HS3ST3A1: variants seen among roughly 807,000 people sequenced by gnomAD.
HS3ST3A1 encodes heparan sulfate glucosamine 3-O-sulfotransferase 3A1.
In HS3ST3A1, 19 loss-of-function variants were observed where a neutral mutation model predicts 25.7. The observed-to-expected ratio is 0.74, with a 90% CI of 0.52 to 1.08. The LOEUF (loss-of-function observed/expected upper bound fraction) is 1.08. Among genes scored for constraint, HS3ST3A1 ranks in the 50% least tolerant of loss-of-function variants. HS3ST3A1 has a pLI of 0.00. For synonymous variants in HS3ST3A1, 226 were observed against 278.6 expected, an observed-to-expected ratio of 0.81 and a Z score of 1.88; for missense variants, 459 against 594.3, an observed-to-expected ratio of 0.77 and a Z score of 2.37.
At chr17:13,591,654 T>C (rs12939294) in intron 1 of HS3ST3A1, among the ~76,000 whole-genome samples, 51,565 of 143,180 alleles carry the variant, frequency 0.36, 11,363 homozygotes, top group Admixed American at 0.5. Flanking sequence ...TTTCCTTTTT[T>C]CTTCTTCTTT....
At chr17:13,542,261 G>A (rs1256469349) in intron 1 of HS3ST3A1, among the ~76,000 whole-genome samples, 1 of 151,458 alleles carries the variant, frequency 6.6e-6, no homozygotes, top group African/African-American at 2.4e-5. Flanking sequence ...CGGGAGAGGT[G>A]GAGGTTGCAG....
chr17:13,531,481 G>A (rs1906605555), intron 1 of HS3ST3A1, among the ~76,000 whole-genome samples: 1 of 152,062 alleles, frequency 6.6e-6, no homozygotes, highest in Admixed American at 6.6e-5. Context: ...TTTCAGACAG[G>A]AAAGACCTCC....
At chr17:13,528,930 C>A (rs11078162) in intron 1 of HS3ST3A1, among the ~76,000 whole-genome samples, 1 of 148,562 alleles carries the variant, frequency 6.7e-6, no homozygotes, top group Non-Finnish European at 1.5e-5. Flanking sequence ...GTGCAGTGGT[C>A]GGGGTGGGGG....
chr17:13,598,673 C>T (rs8079724), intron 1 of HS3ST3A1, among the ~76,000 whole-genome samples: 14,939 of 150,956 alleles, frequency 0.099, 1,656 homozygotes, highest in African/African-American at 0.28. Flanking sequence ...CTTTTTTTTT[C>T]TTTCTTTCTT....
intron 1 of HS3ST3A1, among the ~76,000 whole-genome samples, chr17:13,537,745 C>T (rs1456739655): frequency 6.6e-6 from 1 of 152,200 alleles, no homozygotes; most frequent in Non-Finnish European, 1.5e-5. Context: ...ACTGAAAACT[C>T]CTATAAAATT....
intron 1 of HS3ST3A1, among the ~76,000 whole-genome samples, chr17:13,497,765 G>A (rs1217510523): frequency 6.6e-6 from 1 of 152,174 alleles, no homozygotes; most frequent in African/African-American, 2.4e-5. Flanking sequence ...GATAGATAGA[G>A]ATCTTTAGTT....
At position 13,600,952 on chromosome 17, in the gene HS3ST3A1, C is replaced by T; in HGVS notation, c.178G>A (p.Gly60Ser). 1 of 1,537,930 alleles carries T rather than the reference C, an allele frequency of 6.5e-7. No homozygotes were observed. Among genetic ancestry groups the T allele is most frequent in the Non-Finnish European group, 8.8e-7 (1 of 1,142,284 alleles). Residue 60 changes from glycine to serine, a missense_variant, in exon 1 of 2, where the codon GGC (glycine) becomes AGC (serine). Around this residue, in one of 3 missense-constraint regions of HS3ST3A1, gnomAD observed 346 missense variants for 303.9 expected, o/e 1.14. Transcript: ENST00000284110. ...SGPVVGLSGG[G>S]EEAGAPGGGV... is the part of the protein sequence containing the mutation. Reference sequence around the variant, plus strand: ...CCACCAGGGGCCCCCGCCTCCTCGCCGCCGCCGGACAGCCCCACGACGGGG... The same window carrying T: ...CCACCAGGGGCCCCCGCCTCCTCGCTGCCGCCGGACAGCCCCACGACGGGG...
intron 1 of HS3ST3A1, among the ~76,000 whole-genome samples, chr17:13,529,439 T>C (rs1906534087): frequency 6.6e-6 from 1 of 151,802 alleles, no homozygotes; most frequent in Non-Finnish European, 1.5e-5. Flanking sequence ...ATTTTATAAA[T>C]CATAATTTGC....
At chr17:13,538,305 TACTG>T (rs1447186082) in intron 1 of HS3ST3A1, among the ~76,000 whole-genome samples, 3 of 152,340 alleles carry the variant, frequency 2.0e-5, no homozygotes, top group Middle Eastern at 3.4e-3. Flanking sequence ...ATGGCTCAAT[TACTG>T]ACTGACTCCA....
At chr17:13,537,197 ATCTTTAT>A (rs1176919606) in intron 1 of HS3ST3A1, among the ~76,000 whole-genome samples, 13 of 152,228 alleles carry the variant, frequency 8.5e-5, no homozygotes, top group African/African-American at 3.1e-4. Flanking sequence ...GGATCAGTTT[ATCTTTAT>A]TAAGAGAATG....
chr17:13,587,327 G>A lies in HS3ST3A1; in HGVS notation c.599+13204C>T, dbSNP rs544485778. Among the ~76,000 whole-genome samples the A allele has an allele frequency of 2.3e-4, 35 of 152,194 alleles. 1 individual carries two copies. The highest frequency in any genetic ancestry group is 5.9e-4 in the Admixed American group (9 of 15,286). On this transcript the variant is annotated intron_variant, in intron 1 of 1. Coordinates refer to ENST00000284110, the MANE Select transcript of HS3ST3A1 (RefSeq NM_006042.3). ...AAATTAGCTGGGTGTGGTGGCGTGC[G>A]CCTGTAGTCCCAGCTACTCGGGAGG... is the stretch of plus-strand genomic sequence containing the variant.
At chr17:13,498,166 C>T (rs1036616628) in intron 1 of HS3ST3A1, among the ~76,000 whole-genome samples, 1 of 152,186 alleles carries the variant, frequency 6.6e-6, no homozygotes, top group Non-Finnish European at 1.5e-5. Context: ...CACAAACATC[C>T]TATTAATGGA....
intron 1 of HS3ST3A1, among the ~76,000 whole-genome samples, chr17:13,561,292 T>TG (rs2142365366): frequency 6.6e-6 from 1 of 152,308 alleles, no homozygotes; most frequent in East Asian, 1.9e-4. Context: ...CTAAGTCTCT[T>TG]GCCTTAGGAA....
At chr17:13,547,957 A>C (rs1598422727) in intron 1 of HS3ST3A1, among the ~76,000 whole-genome samples, 1 of 152,018 alleles carries the variant, frequency 6.6e-6, no homozygotes, top group East Asian at 1.9e-4. Flanking sequence ...AAAAAAAAAA[A>C]AAAAAACCAC....
At chr17:13,552,665 C>G (rs1190154963) in intron 1 of HS3ST3A1, among the ~76,000 whole-genome samples, 1 of 152,166 alleles carries the variant, frequency 6.6e-6, no homozygotes, top group African/African-American at 2.4e-5. Context: ...GTTGGAGGAA[C>G]AGTGCTGAAC....
At chr17:13,522,510 A>T (rs1906280143) in intron 1 of HS3ST3A1, among the ~76,000 whole-genome samples, 1 of 152,214 alleles carries the variant, frequency 6.6e-6, no homozygotes, top group African/African-American at 2.4e-5. Context: ...ATCATGGGTC[A>T]TTCAGGAGAT....
At chr17:13,515,688 G>C (rs1191515129) in intron 1 of HS3ST3A1, among the ~76,000 whole-genome samples, 1 of 152,090 alleles carries the variant, frequency 6.6e-6, no homozygotes, top group East Asian at 1.9e-4. Context: ...CATTTAACAA[G>C]TATATGTGTA....
Position 13,601,233 on chromosome 17 carries a change from A to G in HS3ST3A1, c.-104T>C. The G allele has an allele frequency of 1.2e-6, 1 of 847,308 alleles. No individual in the cohort carries two copies. 52.5% of individuals were successfully genotyped at this position (847,308 alleles called of 1,614,324 possible). On this transcript the variant is annotated 5_prime_UTR_variant, in exon 1 of 2. Coordinates refer to ENST00000284110, the MANE Select transcript of HS3ST3A1 (RefSeq NM_006042.3). ...CGGGCCAGCGCGCTGGACGGAGGCC[A>G]CATCGCCGTGCGCCCCTGTGGCCGT...
Position 13,496,175 on chromosome 17 carries a change from T to TTC in HS3ST3A1, c.*21_*22insGA. On this transcript the variant is annotated 3_prime_UTR_variant, in exon 2 of 2. Coordinates refer to ENST00000284110, the MANE Select transcript of HS3ST3A1 (RefSeq NM_006042.3). ...AAAAATATATTATATTTTGATTTTT[T>TTC]TTTTCTTTTTAAATTATATGGTTAT... 1 of 1,544,168 alleles carries TTC rather than the reference T, an allele frequency of 6.5e-7. No individual in the cohort carries two copies. Among genetic ancestry groups the TTC allele is most frequent in the Non-Finnish European group, 8.7e-7 (1 of 1,149,836 alleles).
Sources: gnomAD v4.1 joint callset for allele counts (sites outside exome capture counted in the v4.1 genomes callset) on GRCh38, gnomAD v4.1.1 for gene constraint, gnomAD v4.1.1 regional missense constraint, MANE v1.5 for transcripts, NCBI Gene and HGNC (gene_info 2026-07-23, HGNC 2026-07-21) for gene names.